Variants in MACF1 observed in about 807,000 individuals in gnomAD.
MACF1 encodes the protein microtubule actin crosslinking factor 1.
MACF1 carries 193 observed loss-of-function variants against 854.8 expected under a neutral mutation model. The ratio of observed to expected loss-of-function variants is 0.23; its 90% CI spans 0.20 to 0.25. MACF1 has a LOEUF of 0.25. MACF1 is among the 10% of genes least tolerant of loss of function. MACF1 has a pLI of 1.00. For missense variants in MACF1, 7,722 were observed against 8,929.1 expected (o/e 0.86, Z 5.45); for synonymous variants, 3,185 against 3,226.7 (o/e 0.99, Z 0.44).
chr1:39,334,623 T>A lies in MACF1; in HGVS notation c.8035T>A (p.Ser2679Thr). ...AIQLGKVDFA[S>T]TLKVLEAQAN... is the part of the protein sequence containing the mutation. ...TCAGCTTGGAAAAGTAGACTTTGCA[T>A]CTACGCTGAAGGTTCTAGAAGCCCA... Residue 2679 changes from serine to threonine, a missense_variant, in exon 37 of 101, where the codon TCT becomes ACT. Ser to Thr is a moderately conservative substitution (Grantham distance 58, BLOSUM62 1). This residue lies in a region of MACF1 where 1,531 missense variants were observed against 1,601.6 expected (regional missense o/e 0.96). Transcript: ENST00000564288. 1.9e-6 allele frequency: 3 copies of A among 1,614,106 alleles called. No homozygotes were observed. Among genetic ancestry groups the A allele is most frequent in the Non-Finnish European group, 1.7e-6 (2 of 1,180,002 alleles).
At chr1:39,477,141 C>CACATAT (rs1644921888) in intron 97 of MACF1, among the ~76,000 whole-genome samples, 2 of 143,626 alleles carry the variant, frequency 1.4e-5, no homozygotes, top group Admixed American at 7.0e-5. Flanking sequence ...TATATACACA[C>CACATAT]ACACACACAC....
intron 1 of MACF1, among the ~76,000 whole-genome samples, chr1:39,225,091 G>A (rs2148295603): frequency 6.6e-6 from 1 of 152,296 alleles, no homozygotes. Context: ...GGCTGAAGCA[G>A]GAGGATTGCT....
At chr1:39,439,138 C>A in intron 71 of MACF1, 136 bp from the exon 72 acceptor site, 1 of 521,314 alleles carries the variant, frequency 1.9e-6, no homozygotes, top group Non-Finnish European at 3.5e-6. Flanking sequence ...GAAAATTATC[C>A]TTTAGTTATA....
intron 2 of MACF1, among the ~76,000 whole-genome samples, chr1:39,088,074 G>A (rs879937339): frequency 3.3e-5 from 5 of 152,182 alleles, no homozygotes; most frequent in Admixed American, 2.0e-4. Context: ...CTGGTTTCAC[G>A]CCATTCTCCT....
At chr1:39,320,102 A>C (rs1412883910) in intron 31 of MACF1, among the ~76,000 whole-genome samples, 1 of 152,118 alleles carries the variant, frequency 6.6e-6, no homozygotes, top group Non-Finnish European at 1.5e-5. Context: ...GAGGCAAAAA[A>C]CCCAGGAGTC....
chr1:39,368,637 G>A (rs1569744655), intron 50 of MACF1, among the ~76,000 whole-genome samples: 1 of 152,106 alleles, frequency 6.6e-6, no homozygotes, highest in South Asian at 2.1e-4. Flanking sequence ...GAGTGGCTGG[G>A]ATTACAGGCG....
At position 39,208,132 on chromosome 1, in the gene MACF1, CAAA is replaced by C. The variant is rs1192716249; in HGVS notation, c.109+3014_109+3016del. 3.7e-5 allele frequency among the ~76,000 whole-genome samples: 3 copies of C among 80,540 alleles called. No individual in the cohort carries two copies. The South Asian group carries it at 1.3e-3, about 34-fold the overall frequency. The allele number at this position is 80,540 out of a possible 152,430, so 52.8% of individuals were successfully genotyped here. A position where few individuals can be genotyped will look rare whatever the true frequency, so the allele number is the denominator to read the frequency against. ...TGGGCAGCAGAATGAGAGTCCGTCT[CAAA>C]AAAAAAAAAAAAGAAAAGAAATATA... is the stretch of plus-strand genomic sequence containing the variant. On this transcript the variant is annotated intron_variant, in intron 1 of 100. Coordinates refer to ENST00000564288, the MANE Select transcript of MACF1 (RefSeq NM_001394062.1).
chr1:39,422,835 A>G lies in MACF1; in HGVS notation c.16084A>G (p.Ile5362Val). 1 of 1,614,218 alleles carries G rather than the reference A, an allele frequency of 6.2e-7. No homozygotes were observed. Among genetic ancestry groups the G allele is most frequent in the South Asian group, 1.1e-5 (1 of 91,092 alleles). ...CTGGTTGGCAGATACCGAGGAGCTC[A>G]TAGCCAATCAGAAACCTCCATCTGC... is the stretch of plus-strand genomic sequence containing the variant. Reference protein sequence around the residue: ...LSWLADTEELIANQKPPSAEY... With the variant: ...LSWLADTEELVANQKPPSAEY... The change falls in exon 60 of 101, where the codon ATA becomes GTA. Residue 5362 changes from isoleucine to valine, a missense_variant. Transcript: ENST00000564288.
intron 80 of MACF1, among the ~76,000 whole-genome samples, chr1:39,446,915 C>T (rs1644242747): frequency 6.6e-6 from 1 of 152,166 alleles, no homozygotes; most frequent in South Asian, 2.1e-4. Context: ...CTTCTTATAG[C>T]ATAAGCATAA....
chr1:39,288,069 C>T (rs1412173591), intron 15 of MACF1, among the ~76,000 whole-genome samples: 4 of 151,862 alleles, frequency 2.6e-5, no homozygotes, highest in African/African-American at 7.3e-5. Context: ...TATATTTATA[C>T]GATACATGAG....
chr1:39,275,365 G>C (rs1378087146), intron 6 of MACF1, among the ~76,000 whole-genome samples: 4 of 151,978 alleles, frequency 2.6e-5, no homozygotes, highest in African/African-American at 9.7e-5. Flanking sequence ...TACGGTGTGA[G>C]CCACTGCGCC....
intron 58 of MACF1, chr1:39,410,174 TA>T: frequency 1.0e-6 from 1 of 981,586 alleles, no homozygotes; most frequent in Non-Finnish European, 1.5e-6. Flanking sequence ...TATGAACAGC[TA>T]AAAGGATTTA....
intron 50 of MACF1, among the ~76,000 whole-genome samples, chr1:39,369,623 C>G (rs978416888): frequency 6.6e-6 from 1 of 152,204 alleles, no homozygotes; most frequent in East Asian, 1.9e-4. Context: ...GCCTCAGTTT[C>G]GGCACCTTCC....
At chr1:39,470,628 A>ATTGT (rs1644758366) in intron 97 of MACF1, among the ~76,000 whole-genome samples, 7 of 152,254 alleles carry the variant, frequency 4.6e-5, no homozygotes, top group Non-Finnish European at 1.0e-4. Context: ...CCTGGGCAAC[A>ATTGT]AGGCAAGACT....
chr1:39,340,547 G>T lies in MACF1; in HGVS notation c.10261G>T (p.Glu3421Ter). 1.2e-6 allele frequency: 2 copies of T among 1,614,022 alleles called. No homozygotes were observed. The highest frequency in any genetic ancestry group is 1.7e-6 in the Non-Finnish European group (2 of 1,180,010). ...GGATCTGACCACCTTGGTCAGTCAG[G>T]AGCTGGAGTGTGTGAATCAGATTAT... is the stretch of plus-strand genomic sequence containing the variant. ...LKDLTTLVSQELECVNQIIIS... is the reference protein window; with the variant it reads ...LKDLTTLVSQ Residue 3421 changes from glutamate (E) to a stop codon, truncating the protein, a stop_gained, in exon 39 of 101, where the codon GAG (glutamate) becomes TAG (stop). Transcript: ENST00000564288. LOFTEE classifies it high-confidence loss of function.
Position 39,483,115 on chromosome 1 carries a change from C to A in MACF1, c.22282-1486C>A, listed in dbSNP as rs1158479208. On this transcript the variant is annotated intron_variant, in intron 99 of 100. Transcript: ENST00000564288. ...AAAAAAAAAAAAAAAAAAAAAAACA[C>A]CCACACATTTAAAATACTCTTTTTC... Among the ~76,000 whole-genome samples, 258 of 109,480 alleles carry A rather than the reference C, an allele frequency of 2.4e-3. 9 individuals carry two copies. The highest frequency in any genetic ancestry group is 0.01 in the Middle Eastern group (2 of 198). The allele number at this position is 109,480 out of a possible 152,430, so 71.8% of individuals were successfully genotyped here.
intron 63 of MACF1, among the ~76,000 whole-genome samples, chr1:39,428,671 A>G (rs577094702): frequency 1.3e-5 from 2 of 152,350 alleles, no homozygotes; most frequent in African/African-American, 4.8e-5. Context: ...CATACAGTTA[A>G]AAAACTTTTA....
At chr1:39,175,906 G>T (rs966656173) in intron 2 of MACF1, among the ~76,000 whole-genome samples, 5 of 143,268 alleles carry the variant, frequency 3.5e-5, no homozygotes, top group African/African-American at 1.3e-4. Context: ...GACCATCCTG[G>T]CTAACATGGT....
chr1:39,481,309 ATTTG>A (rs985674470), intron 99 of MACF1, among the ~76,000 whole-genome samples: 7 of 152,206 alleles, frequency 4.6e-5, no homozygotes, highest in African/African-American at 1.7e-4. Flanking sequence ...ATTGCTGTAG[ATTTG>A]TTTATTGATG....
Sources: allele counts gnomAD v4.1 joint callset (sites outside exome capture counted in the v4.1 genomes callset), GRCh38; gene constraint gnomAD v4.1.1; regional missense constraint gnomAD v4.1.1; transcripts MANE v1.5; gene names NCBI Gene and HGNC (gene_info 2026-07-23, HGNC 2026-07-21).